ANKRD28: variants seen among roughly 807,000 people sequenced by gnomAD.
ANKRD28 encodes the protein serine/threonine-protein phosphatase 6 regulatory ankyrin repeat subunit A.
A neutral mutation model predicts 126.5 loss-of-function variants in ANKRD28; 44 were observed. The ratio of observed to expected loss-of-function variants is 0.35; its 90% CI spans 0.27 to 0.45. The LOEUF (loss-of-function observed/expected upper bound fraction) is 0.45, where lower values mean the gene tolerates loss of function less well. Ranked by LOEUF, ANKRD28 falls within the 20% of genes least tolerant of loss-of-function variation. ANKRD28 has a pLI of 1.00. For synonymous variants in ANKRD28, 442 were observed against 468.5 expected (o/e 0.94, Z 0.73); for missense variants, 1,110 against 1,316.6 (o/e 0.84, Z 2.43).
At chr3:15,784,812 G>A (rs2059699331) in intron 2 of ANKRD28, among the ~76,000 whole-genome samples, 1 of 151,980 alleles carries the variant, frequency 6.6e-6, no homozygotes, top group African/African-American at 2.4e-5. Context: ...GTAAATGAAT[G>A]GAGAGGATTC....
rs181564614 is a variant in ANKRD28 at position 15,742,996 on chromosome 3, T to A, written c.352-5763A>T. Reference sequence around the variant, plus strand: ...GTTGCCATGTCTGTGTAGAAAGAGGTAGACATGGGAGACTTTTCATTTTGT... The same window carrying A: ...GTTGCCATGTCTGTGTAGAAAGAGGAAGACATGGGAGACTTTTCATTTTGT... On this transcript the variant is annotated intron_variant, in intron 4 of 27. Coordinates refer to ENST00000683139, the MANE Select transcript of ANKRD28 (RefSeq NM_001349278.2). Among the ~76,000 whole-genome samples, 625 of 151,862 alleles carry A rather than the reference T, an allele frequency of 4.1e-3. 3 individuals are homozygous for A. The highest frequency in any genetic ancestry group is 0.018 in the East Asian group (93 of 5,104).
intron 1 of ANKRD28, among the ~76,000 whole-genome samples, chr3:15,859,190 G>C (rs896658356): frequency 3.3e-5 from 5 of 152,198 alleles, no homozygotes; most frequent in Admixed American, 6.5e-5. Flanking sequence ...CCCAGGCCCC[G>C]GCAGCTCTGA....
At position 15,736,353 on chromosome 3, in the gene ANKRD28, G is replaced by C. The variant is rs139128416; in HGVS notation, c.552+680C>G. 4.5e-4 allele frequency among the ~76,000 whole-genome samples: 69 copies of C among 152,250 alleles called. No homozygotes were observed. The East Asian group carries it at 0.012, about 27-fold the overall frequency. ...TATCCAATGTTTCAGGCATCCATAG[G>C]GGGTCCAGGAACATATCCTCTGTAG... is the stretch of plus-strand genomic sequence containing the variant. On this transcript the variant is annotated intron_variant, in intron 5 of 27. Coordinates refer to ENST00000683139, the MANE Select transcript of ANKRD28 (RefSeq NM_001349278.2).
intron 1 of ANKRD28, among the ~76,000 whole-genome samples, chr3:15,835,806 G>C (rs1410794579): frequency 6.6e-6 from 1 of 152,154 alleles, no homozygotes; most frequent in Non-Finnish European, 1.5e-5. Flanking sequence ...AGGGGATATA[G>C]ATGAAAGACA....
intron 12 of ANKRD28, 42 bp from the exon 13 acceptor site, chr3:15,709,778 A>AT: frequency 7.5e-7 from 1 of 1,342,012 alleles, no homozygotes; most frequent in Non-Finnish European, 1.0e-6. Flanking sequence ...ATTGACAGTG[A>AT]TTTTATAATG....
At chr3:15,731,365 A>C (rs1014382153) in intron 6 of ANKRD28, among the ~76,000 whole-genome samples, 15 of 152,244 alleles carry the variant, frequency 9.9e-5, no homozygotes, top group African/African-American at 3.6e-4. Flanking sequence ...CACTCTGCTT[A>C]CCATGTAAGC....
intron 1 of ANKRD28, among the ~76,000 whole-genome samples, chr3:15,819,229 G>A (rs1440426440): frequency 6.6e-6 from 1 of 152,138 alleles, no homozygotes; most frequent in East Asian, 1.9e-4. Flanking sequence ...AGTGAGCTGA[G>A]AGCATGTCAC....
intron 2 of ANKRD28, among the ~76,000 whole-genome samples, chr3:15,778,667 A>G (rs534248499): frequency 6.6e-6 from 1 of 152,238 alleles, no homozygotes; most frequent in South Asian, 2.1e-4. Flanking sequence ...CCAGATTTAG[A>G]GTTCATGTGA....
At chr3:15,762,383 G>A (rs1293721911) in intron 3 of ANKRD28, among the ~76,000 whole-genome samples, 3 of 151,950 alleles carry the variant, frequency 2.0e-5, no homozygotes, top group Non-Finnish European at 2.9e-5. Flanking sequence ...TAAATTACAG[G>A]AGCCCTTACT....
At chr3:15,755,154 T>G (rs1036532710) in intron 3 of ANKRD28, among the ~76,000 whole-genome samples, 3 of 151,768 alleles carry the variant, frequency 2.0e-5, no homozygotes, top group South Asian at 2.1e-4. Flanking sequence ...TAATAAAAAA[T>G]AAAAAAAATC....
intron 6 of ANKRD28, among the ~76,000 whole-genome samples, chr3:15,727,675 C>A (rs1283481559): frequency 3.3e-5 from 5 of 151,624 alleles, no homozygotes; most frequent in African/African-American, 9.7e-5. Context: ...TGATTCCAAC[C>A]CTCATGGATG....
upstream of ANKRD28, among the ~76,000 whole-genome samples, chr3:15,799,124 C>G (rs980697007): frequency 6.6e-6 from 1 of 152,106 alleles, no homozygotes; most frequent in African/African-American, 2.4e-5. Context: ...TACAGACACA[C>G]TCTCTTCTCT....
intron 4 of ANKRD28, among the ~76,000 whole-genome samples, chr3:15,742,903 T>A (rs1327642080): frequency 2.7e-5 from 4 of 149,330 alleles, no homozygotes; most frequent in Non-Finnish European, 1.5e-5. Context: ...GAACGGGCCA[T>A]GATGACAATG....
chr3:15,792,458 G>A (rs1359780845), intron 2 of ANKRD28, among the ~76,000 whole-genome samples: 2 of 152,026 alleles, frequency 1.3e-5, no homozygotes, highest in Non-Finnish European at 2.9e-5. Flanking sequence ...CCGAAATAAG[G>A]CAGGCACAGA....
At chr3:15,856,681 C>T (rs562800018) in intron 1 of ANKRD28, among the ~76,000 whole-genome samples, 24 of 152,170 alleles carry the variant, frequency 1.6e-4, no homozygotes, top group Admixed American at 2.0e-4. Flanking sequence ...TAGGTGGTGG[C>T]ACAAAATGAG....
intron 2 of ANKRD28, among the ~76,000 whole-genome samples, chr3:15,792,575 G>A (rs943066106): frequency 6.6e-6 from 1 of 152,120 alleles, no homozygotes; most frequent in Non-Finnish European, 1.5e-5. Context: ...GAAGGGTAAT[G>A]GGGGGTTGAG....
At chr3:15,753,992 T>C (rs2058021952) in intron 3 of ANKRD28, among the ~76,000 whole-genome samples, 1 of 152,092 alleles carries the variant, frequency 6.6e-6, no homozygotes, top group African/African-American at 2.4e-5. Context: ...TCTGTGTTAA[T>C]AAAGATCTGA....
intron 18 of ANKRD28, among the ~76,000 whole-genome samples, chr3:15,688,666 A>T (rs183848013): frequency 6.6e-6 from 1 of 152,238 alleles, no homozygotes; most frequent in Non-Finnish European, 1.5e-5. Flanking sequence ...ACTAGAAAAA[A>T]AATCCAAGAC....
chr3:15,784,844 A>G (rs2059701335), intron 2 of ANKRD28, among the ~76,000 whole-genome samples: 1 of 152,036 alleles, frequency 6.6e-6, no homozygotes, highest in Admixed American at 6.6e-5. Context: ...CAGAGTAGGA[A>G]GCACCAGGAA....
Sources: gnomAD v4.1 joint callset for allele counts (sites outside exome capture counted in the v4.1 genomes callset) on GRCh38, gnomAD v4.1.1 for gene constraint, MANE v1.5 for transcripts, NCBI Gene and HGNC (gene_info 2026-07-23, HGNC 2026-07-21) for gene names.